Variants in DGKE observed in about 807,000 individuals in gnomAD.
DGKE encodes the protein DAG kinase epsilon.
In DGKE, 53 loss-of-function variants were observed where a neutral mutation model predicts 70.0. The observed-to-expected ratio is 0.76, with a 90% CI of 0.61 to 0.95. The LOEUF (loss-of-function observed/expected upper bound fraction) is 0.95. Among genes scored for constraint, DGKE ranks in the 40% least tolerant of loss-of-function variants. The probability of loss-of-function intolerance (pLI) is 0.00; values close to 1 mark genes in which losing one functional copy is unlikely to be tolerated. For synonymous variants in DGKE, 291 were observed against 257.0 expected, an observed-to-expected ratio of 1.13 and a Z score of -1.27; for missense variants, 655 against 706.9, an observed-to-expected ratio of 0.93 and a Z score of 0.83.
chr17:56,856,252 G>A (rs546048093), intron 7 of DGKE, among the ~76,000 whole-genome samples: 1 of 152,096 alleles, frequency 6.6e-6, no homozygotes, highest in African/African-American at 2.4e-5. Flanking sequence ...GCATCAAGTA[G>A]AGCCATTCTA....
Position 56,834,843 on chromosome 17 carries a change from G to T in DGKE, c.48G>T (p.Leu16=), listed in dbSNP as rs746842808. 1.2e-5 allele frequency: 19 copies of T among 1,611,112 alleles called. No individual in the cohort carries two copies. Among genetic ancestry groups the T allele is most frequent in the Non-Finnish European group, 1.4e-5 (17 of 1,178,894 alleles). Residue 16 remains leucine (L), a synonymous_variant, in exon 2 of 12, where the codon CTG becomes CTT. Coordinates refer to ENST00000284061, the MANE Select transcript of DGKE (RefSeq NM_003647.3). ...RPAPGSPSEG[L]FADGHLILWT... is the part of the protein sequence containing the mutation. Reference sequence around the variant, plus strand: ...CGCCGGGCTCGCCCTCCGAGGGCCTGTTTGCGGACGGGCACCTGATCTTGT... The same window carrying T: ...CGCCGGGCTCGCCCTCCGAGGGCCTTTTTGCGGACGGGCACCTGATCTTGT...
intron 7 of DGKE, among the ~76,000 whole-genome samples, chr17:56,852,641 A>G (rs1282773390): frequency 6.6e-6 from 1 of 152,168 alleles, no homozygotes; most frequent in Non-Finnish European, 1.5e-5. Flanking sequence ...AAATAGAGAA[A>G]GTATTGAGAG....
At chr17:56,849,126 C>T (rs1473092011) in intron 6 of DGKE, 55 bp from the exon 7 acceptor site, 1 of 1,515,862 alleles carries the variant, frequency 6.6e-7, no homozygotes, top group Non-Finnish European at 9.0e-7. Flanking sequence ...TCCAAACATC[C>T]AGAGTATGGG....
intron 10 of DGKE, 106 bp downstream of exon 10, chr17:56,862,024 C>T: frequency 6.5e-7 from 1 of 1,528,928 alleles, no homozygotes; most frequent in Non-Finnish European, 8.8e-7. Context: ...TTGTGTATCT[C>T]ATTAGTTATA....
rs764475112 is a variant in DGKE at position 56,834,782 on chromosome 17, C to T, written c.-14C>T. 3 of 1,585,526 alleles carry T rather than the reference C, an allele frequency of 1.9e-6. No homozygotes were observed. The highest frequency in any genetic ancestry group is 2.2e-5 in the East Asian group (1 of 44,554). ...GCCTGTTTCTTTTCTGGTTAGGTAT[C>T]GTCCTTGGAGAAGATGGAAGCGGAG... On this transcript the variant is annotated 5_prime_UTR_variant, in exon 2 of 12. Coordinates refer to ENST00000284061, the MANE Select transcript of DGKE (RefSeq NM_003647.3).
At position 56,835,046 on chromosome 17, in the gene DGKE, G is replaced by T; in HGVS notation, c.251G>T (p.Gly84Val). The T allele has an allele frequency of 6.2e-7, 1 of 1,613,012 alleles. No homozygotes were observed. ...GTGTGCGCGCAGCACATTCTGCAGG[G>T]CGCCTTCTGCGACTGCTGCGGGCTC... ...CCVCAQHILQGAFCDCCGLRV... is the reference protein window; with the variant it reads ...CCVCAQHILQVAFCDCCGLRV... The change falls in exon 2 of 12, where the codon GGC becomes GTC. Residue 84 changes from glycine (G) to valine (V), a missense_variant. Physicochemically the swap from Gly to Val is moderately radical, Grantham distance 109 (BLOSUM62 -3). Coordinates refer to ENST00000284061, the MANE Select transcript of DGKE (RefSeq NM_003647.3).
chr17:56,842,283 A>G (rs1907037272), intron 2 of DGKE, among the ~76,000 whole-genome samples: 1 of 152,266 alleles, frequency 6.6e-6, no homozygotes, highest in Admixed American at 6.5e-5. Flanking sequence ...AAATTTATAC[A>G]AGTAGTTCAT....
chr17:56,834,790 GAGA>G lies in DGKE; in HGVS notation c.-2_1del. 6.3e-7 allele frequency: 1 copy of G among 1,595,940 alleles called. No homozygotes were observed. Among genetic ancestry groups the G allele is most frequent in the Non-Finnish European group, 8.5e-7 (1 of 1,172,278 alleles). On this transcript the variant is annotated 5_prime_UTR_variant, in exon 2 of 12. Transcript: ENST00000284061. ...CTTTTCTGGTTAGGTATCGTCCTTG[GAGA>G]AGATGGAAGCGGAGAGGCGGCCGGC...
intron 2 of DGKE, among the ~76,000 whole-genome samples, chr17:56,837,146 T>C (rs1906678480): frequency 2.0e-5 from 3 of 152,198 alleles, no homozygotes; most frequent in Admixed American, 2.0e-4. Flanking sequence ...AAAAATAAAA[T>C]ATTGCAGAAT....
rs1908642370 is a variant in DGKE at position 56,868,999 on chromosome 17, T to C, written c.*6208T>C. ...AGAGTATGGAAAAATGTATCACTTA[T>C]TTGAAATACCTGAATGGAAACCCAG... On this transcript the variant is annotated 3_prime_UTR_variant, in exon 12 of 12. Transcript: ENST00000284061. 1 of 152,190 alleles carries C rather than the reference T, an allele frequency of 6.6e-6. No homozygotes were observed. The allele number at this position is 152,190 out of a possible 1,614,324, so 9.4% of individuals were successfully genotyped here.
intron 7 of DGKE, among the ~76,000 whole-genome samples, chr17:56,854,046 A>C (rs1401386299): frequency 8.8e-6 from 1 of 113,154 alleles, no homozygotes; most frequent in Non-Finnish European, 1.8e-5. Flanking sequence ...AGAGGACATT[A>C]TGTTAAATAA....
intron 8 of DGKE, among the ~76,000 whole-genome samples, chr17:56,858,143 A>C (rs1908065916): frequency 6.6e-6 from 1 of 152,080 alleles, no homozygotes; most frequent in Non-Finnish European, 1.5e-5. Flanking sequence ...GAGGATAATT[A>C]AACTTAAATG....
rs574273679 is a variant in DGKE at position 56,853,272 on chromosome 17, G to A, written c.1099-3240G>A. Among the ~76,000 whole-genome samples the A allele has an allele frequency of 8.5e-4, 129 of 152,254 alleles. 1 individual carries two copies. Among genetic ancestry groups the A allele is most frequent in the African/African-American group, 2.8e-3 (117 of 41,558 alleles). ...CTTCACTCTATTGTTTTCCTTTGCT[G>A]TGTAGAATCTTTTTAGTGTGATGCA... On this transcript the variant is annotated intron_variant, in intron 7 of 11. Coordinates refer to ENST00000284061, the MANE Select transcript of DGKE (RefSeq NM_003647.3).
chr17:56,849,272 C>CAAG, intron 7 of DGKE, 40 bp downstream of exon 7: 1 of 1,572,768 alleles, frequency 6.4e-7, no homozygotes, highest in Non-Finnish European at 8.7e-7. Flanking sequence ...GTTTCAGCTT[C>CAAG]ATTGCACAAG....
At chr17:56,851,593 G>C (rs1184023176) in intron 7 of DGKE, among the ~76,000 whole-genome samples, 1 of 152,152 alleles carries the variant, frequency 6.6e-6, no homozygotes. Context: ...TTCACAGTTT[G>C]CCTTTTATGC....
chr17:56,848,852 C>G lies in DGKE; in HGVS notation c.1045C>G (p.Arg349Gly). 6.2e-7 allele frequency: 1 copy of G among 1,614,022 alleles called. No individual in the cohort carries two copies. The highest frequency in any genetic ancestry group is 8.5e-7 in the Non-Finnish European group (1 of 1,179,978). The change falls in exon 6 of 12, where the codon CGA (arginine) becomes GGA (glycine). Residue 349 changes from arginine to glycine, a missense_variant and splice_region_variant. Coordinates refer to ENST00000284061, the MANE Select transcript of DGKE (RefSeq NM_003647.3). ...GGAAGCAGATGGAATTAAACTAGATCGGTAAGTTACGTTTCCCCAAAAAGT... is the reference window on the plus strand; with the variant it reads ...GGAAGCAGATGGAATTAAACTAGATGGGTAAGTTACGTTTCCCCAAAAAGT... ...VMEADGIKLD[R>G]WKVQVTNKGY...
chr17:56,845,657 C>T lies in DGKE; in HGVS notation c.625-33C>T, dbSNP rs754210126. On this transcript the variant is annotated intron_variant, in intron 3 of 11. Coordinates refer to ENST00000284061, the MANE Select transcript of DGKE (RefSeq NM_003647.3). ...AAATGTGCTTTTCATCTTTAAGATA[C>T]TAAACCTTTTCACTCATGGCAATTT... 4 of 1,590,538 alleles carry T rather than the reference C, an allele frequency of 2.5e-6. No homozygotes were observed. The East Asian group carries it at 9.1e-5, about 36-fold the overall frequency.
intron 4 of DGKE, among the ~76,000 whole-genome samples, chr17:56,846,550 T>G (rs971862674): frequency 2.0e-5 from 3 of 152,212 alleles, no homozygotes; most frequent in African/African-American, 4.8e-5. Flanking sequence ...TGGGTGAATC[T>G]TATATGTAAA....
chr17:56,842,044 A>G (rs12937655), intron 2 of DGKE, among the ~76,000 whole-genome samples: 3 of 152,178 alleles, frequency 2.0e-5, no homozygotes, highest in African/African-American at 7.2e-5. Context: ...TACATTCTTT[A>G]CAAACCATGT....
Sources: gnomAD v4.1 joint callset for allele counts (sites outside exome capture counted in the v4.1 genomes callset) on GRCh38, gnomAD v4.1.1 for gene constraint, MANE v1.5 for transcripts, NCBI Gene and HGNC (gene_info 2026-07-23, HGNC 2026-07-21) for gene names.